Variants in CHAF1A observed in about 807,000 individuals in gnomAD.
CHAF1A encodes the protein chromatin assembly factor 1 subunit A.
A neutral mutation model predicts 93.2 loss-of-function variants in CHAF1A; 5 were observed. The observed-to-expected ratio is 0.05, with a 90% CI of 0.03 to 0.11. CHAF1A has a LOEUF of 0.11. Ranked by LOEUF, CHAF1A falls within the 10% of genes least tolerant of loss-of-function variation. The pLI is 1.00. For missense variants in CHAF1A, 1,102 were observed against 1,259.9 expected (o/e 0.87, Z 1.90); for synonymous variants, 504 against 510.3 (o/e 0.99, Z 0.17).
At chr19:4,450,703 G>A in the CHAF1A span, 2 of 134,476 alleles carry the variant, frequency 1.5e-5, no homozygotes, top group East Asian at 5.0e-4. Context: ...AGCTTGCAGT[G>A]AGCAGAGATG....
downstream of CHAF1A, chr19:4,446,668 T>C: frequency 3.1e-6 from 5 of 1,612,104 alleles, no homozygotes; most frequent in Non-Finnish European, 4.2e-6. Flanking sequence ...CTCCAGGCTC[T>C]GGGGCTGGGC....
intron 13 of CHAF1A, among the ~76,000 whole-genome samples, chr19:4,437,762 C>T (rs201674282): frequency 1.4e-4 from 7 of 50,154 alleles, no homozygotes; most frequent in Admixed American, 2.1e-4. Context: ...TTTATTTTGA[C>T]GGAGTCTCGC....
intron 1 of CHAF1A, among the ~76,000 whole-genome samples, chr19:4,403,304 G>A (rs1042140615): frequency 2.0e-5 from 3 of 152,174 alleles, no homozygotes; most frequent in Admixed American, 6.5e-5. Flanking sequence ...CCAGGAGGGT[G>A]GGACTCCCGA....
At chr19:4,442,367 C>T (rs373164923) in intron 14 of CHAF1A, 26 bp downstream of exon 14, 167 of 1,542,812 alleles carry the variant, frequency 1.1e-4, no homozygotes, top group Non-Finnish European at 1.3e-4. Context: ...GATAGCAGAA[C>T]GCACTGGTGA....
chr19:4,416,459 T>C lies in CHAF1A; in HGVS notation c.961-1561T>C, dbSNP rs192448977. On this transcript the variant is annotated intron_variant, in intron 3 of 14. Transcript: ENST00000301280. Reference sequence around the variant, plus strand: ...TTTAGGTGGATGGTGAGTCACACCATGGATCCTATTGGTAATTCCTAGTAG... The same window carrying C: ...TTTAGGTGGATGGTGAGTCACACCACGGATCCTATTGGTAATTCCTAGTAG... Among the ~76,000 whole-genome samples the C allele has an allele frequency of 7.3e-4, 111 of 152,352 alleles. 2 individuals carry two copies. The highest frequency in any genetic ancestry group is 1.5e-5 in the Non-Finnish European group (1 of 68,042).
At chr19:4,436,975 G>A (rs889116580) in intron 13 of CHAF1A, among the ~76,000 whole-genome samples, 8 of 152,228 alleles carry the variant, frequency 5.3e-5, no homozygotes, top group African/African-American at 1.9e-4. Flanking sequence ...GGTGCACCCA[G>A]TTTAACTAGA....
In CHAF1A at chr19:4,422,635, G is replaced by T; in HGVS notation, c.1087G>T (p.Glu363Ter). Reference protein sequence around the residue: ...EREEKEKLKEEAKRAKEEAKK... With the variant: ...EREEKEKLKE Reference sequence around the variant, plus strand: ...GGAAGAAAAGGAGAAGCTGAAAGAGGAGGCCAAGCGGGCCAAGGAGGAGGC... The same window carrying T: ...GGAAGAAAAGGAGAAGCTGAAAGAGTAGGCCAAGCGGGCCAAGGAGGAGGC... Residue 363 changes from glutamate to a stop codon, truncating the protein, a stop_gained, in exon 5 of 15, where the codon GAG becomes TAG. Coordinates refer to ENST00000301280, the MANE Select transcript of CHAF1A (RefSeq NM_005483.3). LOFTEE classifies it high-confidence loss of function. This position sits in a 1 kb window ranked among gnomAD's most constrained non-coding sequence, Gnocchi z 4.6. The T allele has an allele frequency of 6.3e-7, 1 of 1,598,756 alleles. No individual in the cohort carries two copies. Among genetic ancestry groups the T allele is most frequent in the East Asian group, 2.3e-5 (1 of 44,368 alleles).
intron 7 of CHAF1A, among the ~76,000 whole-genome samples, chr19:4,426,228 T>C (rs1156245414): frequency 1.4e-5 from 2 of 146,062 alleles, no homozygotes; most frequent in Non-Finnish European, 3.0e-5. Flanking sequence ...AGTGCAGTGG[T>C]GCCATCTCGG....
At chr19:4,406,343 C>G (rs373602214) in intron 2 of CHAF1A, among the ~76,000 whole-genome samples, 157 of 152,276 alleles carry the variant, frequency 1.0e-3, no homozygotes, top group African/African-American at 3.6e-3. Flanking sequence ...CAGAGAACCA[C>G]TGTTGTCCTG....
At chr19:4,424,557 A>G (rs111369236) in intron 7 of CHAF1A, among the ~76,000 whole-genome samples, 7,313 of 152,160 alleles carry the variant, frequency 0.048, 374 homozygotes, top group African/African-American at 0.13. Flanking sequence ...TTGACCTCTC[A>G]GGGTCTGGTG....
downstream of CHAF1A, chr19:4,447,496 G>A: frequency 6.2e-7 from 1 of 1,601,380 alleles, no homozygotes; most frequent in Non-Finnish European, 8.5e-7. Flanking sequence ...GGCTCCTGCA[G>A]GCCAGCTGCC....
chr19:4,435,742 A>G (rs1440187892), intron 13 of CHAF1A, among the ~76,000 whole-genome samples: 4 of 152,170 alleles, frequency 2.6e-5, no homozygotes, highest in Admixed American at 1.3e-4. Flanking sequence ...GCTTTCCTTC[A>G]AGGCCACGAT....
At chr19:4,404,945 G>C (rs935439072) in intron 1 of CHAF1A, among the ~76,000 whole-genome samples, 1 of 151,978 alleles carries the variant, frequency 6.6e-6, no homozygotes, top group African/African-American at 2.4e-5. Context: ...TTTAAATTGT[G>C]GTACCTTCAT....
chr19:4,413,977 T>C (rs190620808), intron 3 of CHAF1A, among the ~76,000 whole-genome samples: 15 of 152,382 alleles, frequency 9.8e-5, no homozygotes, highest in Admixed American at 3.3e-4. Flanking sequence ...GTGATCGAGA[T>C]GATTATTTGA....
chr19:4,432,047 G>T lies in CHAF1A; in HGVS notation c.2043G>T (p.Leu681=). The T allele has an allele frequency of 6.2e-7, 1 of 1,614,172 alleles. No homozygotes were observed. Among genetic ancestry groups the T allele is most frequent in the Non-Finnish European group, 8.5e-7 (1 of 1,180,028 alleles). The part of the protein sequence containing the change: ...FLAKGKRFRV[L]QPVKIGCVWA... The stretch of plus-strand genomic sequence containing the variant: ...CTAAGGGGAAGCGCTTTCGCGTCCT[G>T]CAACCTGTGAAGATCGGCTGCGTGT... The change falls in exon 12 of 15, where the codon CTG becomes CTT. Residue 681 remains leucine (L), a synonymous_variant. Coordinates refer to ENST00000301280, the MANE Select transcript of CHAF1A (RefSeq NM_005483.3).
downstream of CHAF1A, chr19:4,448,339 A>G (rs776614212): frequency 2.5e-6 from 4 of 1,609,268 alleles, no homozygotes; most frequent in Admixed American, 6.7e-5. Flanking sequence ...GTCCACACCC[A>G]GCTTCACCCG....
At chr19:4,413,880 C>T (rs955286339) in intron 3 of CHAF1A, among the ~76,000 whole-genome samples, 1 of 152,080 alleles carries the variant, frequency 6.6e-6, no homozygotes, top group Non-Finnish European at 1.5e-5. Context: ...CTGAAGTGTT[C>T]CTTTTTAGTA....
chr19:4,432,697 C>A (rs902674109), intron 12 of CHAF1A, among the ~76,000 whole-genome samples: 4 of 151,012 alleles, frequency 2.6e-5, no homozygotes, highest in Non-Finnish European at 5.9e-5. Context: ...GAGTTTCAGA[C>A]CACAGTGAGC....
intron 3 of CHAF1A, among the ~76,000 whole-genome samples, chr19:4,412,305 C>T (rs1016189742): frequency 5.9e-5 from 9 of 152,130 alleles, no homozygotes; most frequent in African/African-American, 7.2e-5. Flanking sequence ...CACTTTGGGA[C>T]GCCGAGGCGG....
Sources: allele counts gnomAD v4.1 joint callset (sites outside exome capture counted in the v4.1 genomes callset), GRCh38; gene constraint gnomAD v4.1.1; non-coding constraint Gnocchi (gnomAD v3.1); transcripts MANE v1.5; gene names NCBI Gene and HGNC (gene_info 2026-07-23, HGNC 2026-07-21).